Variants in PDXDC1 observed in about 807,000 individuals in gnomAD.
PDXDC1 encodes the protein pyridoxal dependent decarboxylase domain containing 1.
In PDXDC1, 42 loss-of-function variants were observed where a neutral mutation model predicts 100.1. The observed-to-expected ratio is 0.42, with a 90% confidence interval of 0.33 to 0.54. The LOEUF is 0.54. Ranked by LOEUF, PDXDC1 falls within the 20% of genes least tolerant of loss-of-function variation. PDXDC1 has a pLI of 0.10. For synonymous variants in PDXDC1, 260 were observed against 371.7 expected, an observed-to-expected ratio of 0.70 and a Z score of 3.46; for missense variants, 636 against 979.2, an observed-to-expected ratio of 0.65 and a Z score of 4.68.
chr16:15,022,563 G>A (rs142136739), intron 12 of PDXDC1, 141 bp from the exon 13 acceptor site: 253 of 627,850 alleles, frequency 4.0e-4, no homozygotes, highest in African/African-American at 4.0e-3. Flanking sequence ...ACAAAAACAG[G>A]TGGCTGAACT....
At position 15,077,795 on chromosome 16, in the gene PDXDC1, C is replaced by T. The variant is rs555399079; in HGVS notation, c.1399+47739C>T. Among the ~76,000 whole-genome samples, 10 of 152,298 alleles carry T rather than the reference C, an allele frequency of 6.6e-5. No individual in the cohort carries two copies. The South Asian group carries it at 1.2e-3, about 19-fold the overall frequency. On this transcript the variant is annotated intron_variant, in intron 16 of 16. Coordinates refer to the PDXDC1 transcript ENST00000535621. ...GGTGGAGGTTGCAGTGAGCCGAGATCGCACCACTGCACTCCAGCCTGGGCA... is the reference window on the plus strand; with the variant it reads ...GGTGGAGGTTGCAGTGAGCCGAGATTGCACCACTGCACTCCAGCCTGGGCA...
chr16:15,052,678 A>G (rs1341657727), intron 16 of PDXDC1, among the ~76,000 whole-genome samples: 4 of 152,144 alleles, frequency 2.6e-5, no homozygotes, highest in Non-Finnish European at 5.9e-5. Flanking sequence ...TACTAAAAAT[A>G]CAAAAATTAG....
chr16:14,998,573 C>T (rs867414243), intron 3 of PDXDC1, among the ~76,000 whole-genome samples, 168 bp downstream of exon 3: 5 of 152,272 alleles, frequency 3.3e-5, no homozygotes, highest in African/African-American at 9.6e-5. Context: ...CTCAGCCTCC[C>T]GAGTAGCTGG....
At chr16:15,046,460 A>C (rs1242595407) in intron 16 of PDXDC1, among the ~76,000 whole-genome samples, 1 of 152,162 alleles carries the variant, frequency 6.6e-6, no homozygotes, top group East Asian at 1.9e-4. Context: ...TGTGTGCTCC[A>C]GCACATCGAG....
chr16:15,015,841 T>G, intron 8 of PDXDC1: 1 of 582,594 alleles, frequency 1.7e-6, no homozygotes, highest in Non-Finnish European at 2.8e-6. Context: ...GTGGGAGATT[T>G]GAATATATTT....
intron 16 of PDXDC1, chr16:15,132,872 T>C: frequency 1.9e-6 from 3 of 1,591,178 alleles, no homozygotes; most frequent in Non-Finnish European, 2.6e-6. Flanking sequence ...GGCCCGCTCG[T>C]ACTGGGGCAG....
intron 16 of PDXDC1, chr16:15,065,101 G>C (rs1471868546): frequency 1.1e-5 from 11 of 1,024,948 alleles, no homozygotes; most frequent in Non-Finnish European, 1.6e-5. Flanking sequence ...GGGAGGCGGA[G>C]CTTGCGGTAA....
chr16:15,132,787 C>G, intron 16 of PDXDC1: 5 of 1,232,338 alleles, frequency 4.1e-6, no homozygotes, highest in Non-Finnish European at 4.7e-6. Context: ...TCAGGGACAC[C>G]AGAGTCTCCG....
intron 21 of PDXDC1, 119 bp downstream of exon 21, chr16:15,034,672 G>A: frequency 1.3e-6 from 1 of 766,910 alleles, no homozygotes; most frequent in Non-Finnish European, 2.2e-6. Context: ...TCATCACTGG[G>A]TGTGGGCCGG....
intron 3 of PDXDC1, among the ~76,000 whole-genome samples, chr16:15,001,079 G>A (rs1973043600): frequency 6.6e-6 from 1 of 152,264 alleles, no homozygotes; most frequent in South Asian, 2.1e-4. Flanking sequence ...TGGTGGCTGG[G>A]CAAGGTGGCT....
At chr16:14,980,636 G>A (rs1309362282) in intron 1 of PDXDC1, among the ~76,000 whole-genome samples, 2 of 152,280 alleles carry the variant, frequency 1.3e-5, no homozygotes, top group Admixed American at 1.3e-4. Flanking sequence ...ACCACACCCA[G>A]CTAATTTTTT....
chr16:15,042,610 A>G (rs190620446), downstream of PDXDC1, among the ~76,000 whole-genome samples: 1 of 152,212 alleles, frequency 6.6e-6, no homozygotes, highest in African/African-American at 2.4e-5. Flanking sequence ...ATTTCCTGTT[A>G]TAAGTAATGT....
chr16:15,051,982 C>T (rs886575757), intron 16 of PDXDC1, among the ~76,000 whole-genome samples: 2 of 151,944 alleles, frequency 1.3e-5, no homozygotes, highest in Non-Finnish European at 2.9e-5. Flanking sequence ...TTCTTAACCT[C>T]TAATATGCTC....
chr16:15,044,495 A>G (rs2043964148), intron 16 of PDXDC1: 1 of 862,488 alleles, frequency 1.2e-6, no homozygotes, highest in Non-Finnish European at 2.0e-6. Context: ...CTCAGTTTCC[A>G]TGAACACTTG....
At chr16:15,125,324 G>C (rs2047649687) in intron 16 of PDXDC1, 1 of 711,152 alleles carries the variant, frequency 1.4e-6, no homozygotes, top group Non-Finnish European at 2.4e-6. Flanking sequence ...CAGCACACCA[G>C]ACTGCAGGTG....
downstream of PDXDC1, chr16:15,038,597 G>T: frequency 6.3e-7 from 1 of 1,598,044 alleles, no homozygotes; most frequent in Non-Finnish European, 8.6e-7. Flanking sequence ...TTGTCATCTT[G>T]GTGCAACCAG....
intron 15 of PDXDC1, 158 bp downstream of exon 15, chr16:15,029,124 C>A: frequency 2.4e-6 from 2 of 825,638 alleles, no homozygotes; most frequent in East Asian, 2.7e-5. Context: ...TTCCCCATTG[C>A]GTTACCACCT....
downstream of PDXDC1, among the ~76,000 whole-genome samples, chr16:15,139,957 G>A (rs138180628): frequency 3.0e-3 from 452 of 152,016 alleles, 5 homozygotes; most frequent in African/African-American, 0.01. Flanking sequence ...TTAGGTGGGC[G>A]TGGTGGCGGG....
intron 1 of PDXDC1, among the ~76,000 whole-genome samples, chr16:14,977,524 A>G (rs1966973779): frequency 1.3e-5 from 2 of 152,260 alleles, no homozygotes; most frequent in Non-Finnish European, 2.9e-5. Flanking sequence ...GTGATCCTTC[A>G]GCCTCAGCCT....
Sources: gnomAD v4.1 joint callset for allele counts (sites outside exome capture counted in the v4.1 genomes callset) on GRCh38, gnomAD v4.1.1 for gene constraint, MANE v1.5 for transcripts, NCBI Gene and HGNC (gene_info 2026-07-23, HGNC 2026-07-21) for gene names.